The following HMGA2 variants were observed in gnomAD, a reference collection of about 807,000 sequenced individuals.
HMGA2 encodes high mobility group protein HMGI-C.
In HMGA2, 8 loss-of-function variants were observed where a neutral mutation model predicts 19.1. The observed-to-expected ratio is 0.42, with a 90% CI of 0.25 to 0.76. The LOEUF (loss-of-function observed/expected upper bound fraction) is 0.76. HMGA2 is among the 30% of genes least tolerant of loss of function. HMGA2 has a pLI of 0.28. For missense variants in HMGA2, 109 were observed against 136.3 expected (o/e 0.80, Z 1.00); for synonymous variants, 60 against 48.8 (o/e 1.23, Z -0.96).
chr12:65,888,167 T>C (rs1313981805), intron 3 of HMGA2, among the ~76,000 whole-genome samples: 1 of 152,004 alleles, frequency 6.6e-6, no homozygotes, highest in African/African-American at 2.4e-5. Flanking sequence ...AAGGAAACCT[T>C]CAAACCGACT....
Position 65,870,888 on chromosome 12 carries a change from T to C in HMGA2, c.249+32319T>C, listed in dbSNP as rs868308609. Among the ~76,000 whole-genome samples, 4 of 152,128 alleles carry C rather than the reference T, an allele frequency of 2.6e-5. 1 individual carries two copies. In the Middle Eastern group the frequency reaches 0.01, roughly 391 times the overall value. On this transcript the variant is annotated intron_variant, in intron 3 of 4. Transcript: ENST00000403681. ...GATAGTGTACATTAGAGACATACCA[T>C]GGGTGAGGGGGTGGATGTGGACAGT...
chr12:65,878,338 G>A (rs768100547), intron 3 of HMGA2, among the ~76,000 whole-genome samples: 7 of 152,174 alleles, frequency 4.6e-5, no homozygotes, highest in Non-Finnish European at 1.0e-4. Flanking sequence ...GGATTGAAGA[G>A]CTGACATTGT....
At chr12:65,836,677 T>C (rs1870742892) in intron 2 of HMGA2, among the ~76,000 whole-genome samples, 2 of 152,216 alleles carry the variant, frequency 1.3e-5, no homozygotes, top group Non-Finnish European at 2.9e-5. Flanking sequence ...CTTGACACTC[T>C]GGGCTTTCGC....
intron 3 of HMGA2, among the ~76,000 whole-genome samples, chr12:65,863,997 G>A (rs748890606): frequency 1.3e-4 from 20 of 152,130 alleles, no homozygotes; most frequent in African/African-American, 4.3e-4. Flanking sequence ...ATCATTTCCC[G>A]CACTGTGGCT....
Position 65,828,010 on chromosome 12 carries a change from G to C in HMGA2, c.121G>C (p.Gly41Arg). 1.2e-6 allele frequency: 2 copies of C among 1,612,164 alleles called. No homozygotes were observed. The highest frequency in any genetic ancestry group is 1.7e-6 in the Non-Finnish European group (2 of 1,178,400). ...RPRKQQQEPT[G>R]EPSPKRPRGR... Reference sequence around the variant, plus strand: ...TTTCCCTCACAATTAGGAACCAACCGGTGAGCCCTCTCCTAAGAGACCCAG... The same window carrying C: ...TTTCCCTCACAATTAGGAACCAACCCGTGAGCCCTCTCCTAAGAGACCCAG... The change falls in exon 2 of 5, where the codon GGT (glycine) becomes CGT (arginine). Residue 41 changes from glycine (G) to arginine (R), a missense_variant. Physicochemically the swap from Gly to Arg is moderately radical, Grantham distance 125. Coordinates refer to ENST00000403681, the MANE Select transcript of HMGA2 (RefSeq NM_003483.6).
At position 65,939,419 on chromosome 12, in the gene HMGA2, G is replaced by A. The variant is rs143479940; in HGVS notation, c.250-11964G>A. Reference sequence around the variant, plus strand: ...CACCCAGGCTAGAGCACAGTGGCGTGATCTCGGCTCACTGCAACCTCCACT... The same window carrying A: ...CACCCAGGCTAGAGCACAGTGGCGTAATCTCGGCTCACTGCAACCTCCACT... On this transcript the variant is annotated intron_variant, in intron 3 of 4. Transcript: ENST00000403681. Among the ~76,000 whole-genome samples the A allele has an allele frequency of 8.5e-3, 1,288 of 151,814 alleles. 19 individuals are homozygous for A. Among genetic ancestry groups the A allele is most frequent in the African/African-American group, 0.03 (1,229 of 41,380 alleles).
At chr12:65,853,290 A>T (rs1426297064) in intron 3 of HMGA2, among the ~76,000 whole-genome samples, 2 of 152,186 alleles carry the variant, frequency 1.3e-5, no homozygotes, top group Non-Finnish European at 2.9e-5. Flanking sequence ...CAACAGATTT[A>T]AAATCTGTTG....
chr12:65,959,756 C>T (rs548825356), intron 4 of HMGA2, among the ~76,000 whole-genome samples: 1 of 152,342 alleles, frequency 6.6e-6, no homozygotes, highest in South Asian at 2.1e-4. Flanking sequence ...CTCCTTATTA[C>T]TTCAAGGCTC....
intron 3 of HMGA2, among the ~76,000 whole-genome samples, chr12:65,913,379 C>CTTAT (rs1346936988): frequency 5.3e-5 from 8 of 152,322 alleles, no homozygotes; most frequent in Admixed American, 3.9e-4. Context: ...TCCTCAGCCA[C>CTTAT]TGAGTCCAAT....
intron 3 of HMGA2, among the ~76,000 whole-genome samples, chr12:65,872,838 A>G (rs951501078): frequency 1.3e-5 from 2 of 152,160 alleles, no homozygotes; most frequent in Admixed American, 1.3e-4. Flanking sequence ...TCACCCAAGG[A>G]AGTCTGAACT....
intron 3 of HMGA2, among the ~76,000 whole-genome samples, chr12:65,918,836 C>T (rs1391644452): frequency 2.0e-5 from 3 of 152,086 alleles, no homozygotes; most frequent in Non-Finnish European, 2.9e-5. Context: ...TTATTAAATA[C>T]GTAAGAATTG....
chr12:65,951,344 ATTTTCTTTTAAAATATATCT>A lies in HMGA2; in HGVS notation c.250-29_250-10del, dbSNP rs1876452869. On this transcript the variant is annotated intron_variant, in intron 3 of 4. Coordinates refer to ENST00000403681, the MANE Select transcript of HMGA2 (RefSeq NM_003483.6). ...ACACCTAATTTTTTCTATAATGTAT[ATTTTCTTTTAAAATATATCT>A]TTTTCTTTTCCTCCTTAGCCACAAC... 1.5e-6 allele frequency: 2 copies of A among 1,348,606 alleles called. No individual in the cohort carries two copies. Among genetic ancestry groups the A allele is most frequent in the Non-Finnish European group, 2.0e-6 (2 of 981,850 alleles). The allele number at this position is 1,348,606 out of a possible 1,614,324, so 83.5% of individuals were successfully genotyped here. A position where few individuals can be genotyped will look rare whatever the true frequency, so the allele number is the denominator to read the frequency against.
intron 3 of HMGA2, among the ~76,000 whole-genome samples, chr12:65,854,278 TA>T (rs1234862210): frequency 6.6e-6 from 1 of 152,214 alleles, no homozygotes; most frequent in Non-Finnish European, 1.5e-5. Flanking sequence ...TTTTTCAAAA[TA>T]AAAAAATTCT....
At chr12:65,867,555 C>T in intron 3 of HMGA2, 1 of 448,704 alleles carries the variant, frequency 2.2e-6, no homozygotes, top group African/African-American at 2.0e-5. Flanking sequence ...CCTCATGATA[C>T]TGACAAATCA....
chr12:65,921,543 G>A (rs1011295861), intron 3 of HMGA2, among the ~76,000 whole-genome samples: 7 of 152,202 alleles, frequency 4.6e-5, no homozygotes, highest in African/African-American at 9.7e-5. Flanking sequence ...CACTGCGCCC[G>A]GCAGGCATTA....
At chr12:65,830,666 G>A (rs982626061) in intron 2 of HMGA2, 5 of 151,848 alleles carry the variant, frequency 3.3e-5, no homozygotes, top group African/African-American at 1.2e-4. Context: ...TCAGTAATTG[G>A]CCTTGGGACA....
chr12:65,909,337 C>T (rs1416916348), intron 3 of HMGA2, among the ~76,000 whole-genome samples: 3 of 152,024 alleles, frequency 2.0e-5, no homozygotes, highest in Non-Finnish European at 2.9e-5. Context: ...GTAGTGTGCC[C>T]TGCAGGCAGG....
rs1870055274 is a variant in HMGA2, at chr12:65,824,810, T to C, written c.-461T>C. On this transcript the variant is annotated 5_prime_UTR_variant, in exon 1 of 5. Coordinates refer to ENST00000403681, the MANE Select transcript of HMGA2 (RefSeq NM_003483.6). ...GAGGAGGAGGAATTCTTTCCCCGCC[T>C]AACATTTCAAGGGACACAATTCACT... 1.0e-5 allele frequency: 2 copies of C among 196,426 alleles called. No homozygotes were observed. The allele number at this position is 196,426 out of a possible 1,614,324, so 12.2% of individuals were successfully genotyped here. A position where few individuals can be genotyped will look rare whatever the true frequency, so the allele number is the denominator to read the frequency against.
chr12:65,929,886 G>C (rs531765482), intron 3 of HMGA2, among the ~76,000 whole-genome samples: 4 of 152,150 alleles, frequency 2.6e-5, no homozygotes, highest in African/African-American at 9.7e-5. Context: ...TTTTTGTAAT[G>C]TGTCAAGACA....
Sources: allele counts gnomAD v4.1 joint callset (sites outside exome capture counted in the v4.1 genomes callset), GRCh38; gene constraint gnomAD v4.1.1; transcripts MANE v1.5; gene names NCBI Gene and HGNC (gene_info 2026-07-23, HGNC 2026-07-21).